Variants in PCDHGA3 observed in about 807,000 individuals in gnomAD.
The protein encoded by PCDHGA3 is protocadherin gamma-A3.
Under a neutral mutation model 58.5 loss-of-function variants are expected in PCDHGA3, and 40 were observed. The ratio of observed to expected loss-of-function variants is 0.68; its 90% confidence interval spans 0.53 to 0.89. PCDHGA3 has a LOEUF of 0.89. PCDHGA3 is among the 40% of genes least tolerant of loss of function. The pLI is 0.00. For synonymous variants in PCDHGA3, 530 were observed against 525.7 expected (o/e 1.01, Z -0.11); for missense variants, 1,223 against 1,195.9 (o/e 1.02, Z -0.33).
At chr5:141,357,270 ACTCTAT>A (rs1437213863) in intron 1 of PCDHGA3, 1 of 1,610,332 alleles carries the variant, frequency 6.2e-7, no homozygotes, top group East Asian at 2.2e-5. Context: ...CGGGCCTCAC[ACTCTAT>A]CTCGTGGTGG....
Position 141,490,911 on chromosome 5 carries a change from G to C in PCDHGA3, c.2425-3896G>C. On this transcript the variant is annotated intron_variant, in intron 1 of 3. Coordinates refer to ENST00000253812, the MANE Select transcript of PCDHGA3 (RefSeq NM_018916.4). The surrounding 1 kb of genome is among the most constrained non-coding windows in gnomAD (Gnocchi z 5.4). ...CTCTGCATGTGTTTGTCCTAGACGA[G>C]AATGATAATGCCCCAGCTGTGCTGC... is the stretch of plus-strand genomic sequence containing the variant. The C allele has an allele frequency of 6.2e-7, 1 of 1,613,722 alleles. No homozygotes were observed. Among genetic ancestry groups the C allele is most frequent in the East Asian group, 2.2e-5 (1 of 44,870 alleles).
chr5:141,505,616 C>A, intron 3 of PCDHGA3, 135 bp downstream of exon 3: 1 of 1,503,160 alleles, frequency 6.7e-7, no homozygotes. Flanking sequence ...CTGAAAGGAC[C>A]CACAATTCCA....
chr5:141,372,396 T>C (rs1039579304), intron 1 of PCDHGA3: 1 of 1,614,052 alleles, frequency 6.2e-7, no homozygotes, highest in Non-Finnish European at 8.5e-7. Context: ...CGCAGATAGC[T>C]TGCAAGAGAT....
chr5:141,423,516 C>T (rs2096749721), intron 1 of PCDHGA3: 1 of 1,613,732 alleles, frequency 6.2e-7, no homozygotes, highest in Non-Finnish European at 8.5e-7. Flanking sequence ...TCATTGCGGA[C>T]TCGCAGAAGA....
intron 1 of PCDHGA3, among the ~76,000 whole-genome samples, chr5:141,353,336 T>A (rs1759250755): frequency 6.6e-6 from 1 of 152,230 alleles, no homozygotes; most frequent in Admixed American, 6.5e-5. Context: ...CAAGTTAAAG[T>A]TCATCAATTA....
At chr5:141,399,041 T>A (rs375762745) in intron 1 of PCDHGA3, 150 of 1,613,746 alleles carry the variant, frequency 9.3e-5, no homozygotes, top group Non-Finnish European at 1.2e-4. Context: ...AAACTGGATT[T>A]TGAAGAGACC....
chr5:141,393,108 A>G (rs1318511234), intron 1 of PCDHGA3: 6 of 1,613,438 alleles, frequency 3.7e-6, no homozygotes, highest in Non-Finnish European at 5.1e-6. Context: ...CTGCGCTCAG[A>G]GCCCGCGGTG....
chr5:141,489,254 C>T lies in PCDHGA3; in HGVS notation c.2425-5553C>T, dbSNP rs2099684538. 2 of 1,548,628 alleles carry T rather than the reference C, an allele frequency of 1.3e-6. No homozygotes were observed. Among genetic ancestry groups the T allele is most frequent in the African/African-American group, 1.4e-5 (1 of 73,008 alleles). ...GACTTCTGGGTCATGGGGCCCAAGA[C>T]ACTCCCACAGCTCGCTGGGAAATGG... is the stretch of plus-strand genomic sequence containing the variant. On this transcript the variant is annotated intron_variant, in intron 1 of 3. Transcript: ENST00000253812. This position sits in a 1 kb window ranked among gnomAD's most constrained non-coding sequence, Gnocchi z 4.5.
intron 1 of PCDHGA3, chr5:141,351,905 G>A: frequency 3.7e-6 from 6 of 1,613,410 alleles, no homozygotes; most frequent in South Asian, 1.1e-5. Flanking sequence ...CGTGTTGGTG[G>A]GCGACCTCAA....
intron 1 of PCDHGA3, chr5:141,367,611 T>C (rs868477052): frequency 2.4e-4 from 36 of 152,038 alleles, no homozygotes; most frequent in African/African-American, 8.5e-4. Flanking sequence ...AATGATAACA[T>C]GTAGCATTCT....
At chr5:141,441,764 C>T (rs1407504024) in intron 1 of PCDHGA3, 1 of 384,478 alleles carries the variant, frequency 2.6e-6, no homozygotes, top group South Asian at 2.1e-5. Context: ...TGAGCCTGCG[C>T]GTGTTGGTGG....
At position 141,490,118 on chromosome 5, in the gene PCDHGA3, T is replaced by G. The variant is rs1448768968; in HGVS notation, c.2425-4689T>G. The G allele has an allele frequency of 6.2e-7, 1 of 1,614,158 alleles. No individual in the cohort carries two copies. Among genetic ancestry groups the G allele is most frequent in the Non-Finnish European group, 8.5e-7 (1 of 1,180,048 alleles). On this transcript the variant is annotated intron_variant, in intron 1 of 3. Transcript: ENST00000253812. This position sits in a 1 kb window ranked among gnomAD's most constrained non-coding sequence, Gnocchi z 5.4. ...ACATCTGAGGCAGTGCGGAACCTCT[T>G]TGGCCTAGACCCTAGCAGTGGGGCA...
rs188373658 is a variant in PCDHGA3 at position 141,492,228 on chromosome 5, C to T, written c.2425-2579C>T. ...TGCGCGCGGGGCTCATGCGTGTCCT[C>T]CCTGCTGGCCACCCCCACGGCCCAC... On this transcript the variant is annotated intron_variant, in intron 1 of 3. Coordinates refer to ENST00000253812, the MANE Select transcript of PCDHGA3 (RefSeq NM_018916.4). Among the ~76,000 whole-genome samples the T allele has an allele frequency of 5.3e-5, 8 of 152,292 alleles. No individual in the cohort carries two copies. In the East Asian group the frequency reaches 1.2e-3, roughly 22 times the overall value.
At chr5:141,414,930 C>A (rs561548499) in intron 1 of PCDHGA3, 1 of 1,614,156 alleles carries the variant, frequency 6.2e-7, no homozygotes, top group South Asian at 1.1e-5. Flanking sequence ...CGCCCCGCTC[C>A]GCAGAGCCCG....
chr5:141,423,230 G>A (rs1223173152), intron 1 of PCDHGA3: 1 of 1,613,872 alleles, frequency 6.2e-7, no homozygotes, highest in East Asian at 2.2e-5. Flanking sequence ...GTGGCCGACA[G>A]CATCCCCGAA....
At chr5:141,366,285 C>A in intron 1 of PCDHGA3, 1 of 1,613,710 alleles carries the variant, frequency 6.2e-7, no homozygotes, top group East Asian at 2.2e-5. Flanking sequence ...CATGGCCAGC[C>A]CCCTCTGTCA....
intron 1 of PCDHGA3, chr5:141,413,669 A>C: frequency 6.2e-7 from 1 of 1,613,844 alleles, no homozygotes; most frequent in South Asian, 1.1e-5. Flanking sequence ...ATTGATCCGG[A>C]TGTGGGCGTG....
At chr5:141,370,514 G>C (rs1295709231) in intron 1 of PCDHGA3, 2 of 1,613,894 alleles carry the variant, frequency 1.2e-6, no homozygotes, top group East Asian at 2.2e-5. Context: ...TTCCCGAGGA[G>C]CTGGACAGGG....
intron 1 of PCDHGA3, chr5:141,422,833 C>G (rs2096676817): frequency 6.2e-7 from 1 of 1,614,106 alleles, no homozygotes; most frequent in African/African-American, 1.3e-5. Flanking sequence ...AGTGATAGCA[C>G]GTGACAGCGG....
Sources: allele counts gnomAD v4.1 joint callset (sites outside exome capture counted in the v4.1 genomes callset), GRCh38; gene constraint gnomAD v4.1.1; non-coding constraint Gnocchi (gnomAD v3.1); transcripts MANE v1.5; gene names NCBI Gene and HGNC (gene_info 2026-07-23, HGNC 2026-07-21).